Variants in PTBP2 observed in about 807,000 individuals in gnomAD.
PTBP2 encodes polypyrimidine tract binding protein 2, also known as polypyrimidine tract-binding protein 2.
In PTBP2, 13 loss-of-function variants were observed where a neutral mutation model predicts 61.4. That is an observed-to-expected ratio of 0.21 (90% CI 0.14 to 0.34). The LOEUF (loss-of-function observed/expected upper bound fraction) is 0.34. Ranked by LOEUF, PTBP2 falls within the 10% of genes least tolerant of loss-of-function variation. The pLI is 1.00. For missense variants in PTBP2, 405 were observed against 642.6 expected (o/e 0.63, Z 4.00); for synonymous variants, 215 against 218.5 (o/e 0.98, Z 0.14).
In PTBP2 at chr1:96,721,798, C is replaced by A. The variant is rs1295665174; in HGVS notation, c.-67C>A. ...CGTCGGGCCCCAGCCGCCATTTTCT[C>A]GCCGCTTGTGTGGCTCGCTGGCTGC... is the stretch of plus-strand genomic sequence containing the variant. On this transcript the variant is annotated 5_prime_UTR_variant, in exon 1 of 14. Coordinates refer to ENST00000674951, the MANE Select transcript of PTBP2 (RefSeq NM_021190.4). 1.9e-6 allele frequency: 3 copies of A among 1,547,156 alleles called. No individual in the cohort carries two copies. Among genetic ancestry groups the A allele is most frequent in the Non-Finnish European group, 2.6e-6 (3 of 1,144,204 alleles).
chr1:96,749,705 C>T, intron 2 of PTBP2: 1 of 454,720 alleles, frequency 2.2e-6, no homozygotes, highest in South Asian at 1.6e-5. Context: ...CTTACTTAGT[C>T]AATAAATATG....
At chr1:96,776,787 T>G (rs1658091362) in intron 5 of PTBP2, among the ~76,000 whole-genome samples, 1 of 151,250 alleles carries the variant, frequency 6.6e-6, no homozygotes, top group Non-Finnish European at 1.5e-5. Flanking sequence ...TAACATAATA[T>G]TTGATTGACA....
At chr1:96,784,920 T>G (rs1459260311) in intron 7 of PTBP2, 139 bp from the exon 8 acceptor site, 1 of 647,048 alleles carries the variant, frequency 1.5e-6, no homozygotes, top group Non-Finnish European at 2.5e-6. Flanking sequence ...CAGCAAAATT[T>G]GATATATGAA....
intron 8 of PTBP2, among the ~76,000 whole-genome samples, chr1:96,803,925 G>T (rs556920885): frequency 1.4e-4 from 21 of 152,302 alleles, no homozygotes; most frequent in Non-Finnish European, 2.5e-4. Context: ...TAAGCTGGGT[G>T]TGTAAGAATT....
At chr1:96,819,912 G>C (rs1304963239), downstream of PTBP2, 1 of 151,774 alleles carries the variant, frequency 6.6e-6, no homozygotes, top group African/African-American at 2.4e-5. Context: ...TCTAAAATGT[G>C]ATTCTGATTC....
intron 8 of PTBP2, among the ~76,000 whole-genome samples, chr1:96,790,313 A>C (rs2101096889): frequency 6.6e-6 from 1 of 151,352 alleles, no homozygotes; most frequent in South Asian, 2.1e-4. Flanking sequence ...ATTGTGTCTC[A>C]GTAGGAGACA....
At chr1:96,776,269 A>T (rs752040655) in intron 5 of PTBP2, among the ~76,000 whole-genome samples, 51 of 152,042 alleles carry the variant, frequency 3.4e-4, no homozygotes, top group Non-Finnish European at 6.0e-4. Context: ...ATTTAAATAC[A>T]TTTAAACATT....
In PTBP2 at chr1:96,769,918, A is replaced by G. The variant is rs1347200795; in HGVS notation, c.288+43A>G. 5.6e-6 allele frequency: 8 copies of G among 1,422,736 alleles called. No homozygotes were observed. In the African/African-American group the frequency reaches 7.4e-5, roughly 13 times the overall value. 88.1% of individuals were successfully genotyped at this position (1,422,736 alleles called of 1,614,324 possible). On this transcript the variant is annotated intron_variant, in intron 4 of 13. Coordinates refer to ENST00000674951, the MANE Select transcript of PTBP2 (RefSeq NM_021190.4). ...TTTATGAAATGTTAAACCCCAAACT[A>G]TCCAGCAGGTGTGAATTAATTGTAA...
chr1:96,781,678 A>G (rs1658686806), intron 7 of PTBP2, among the ~76,000 whole-genome samples: 1 of 152,004 alleles, frequency 6.6e-6, no homozygotes, highest in South Asian at 2.1e-4. Flanking sequence ...AGTTCTCAGT[A>G]TCACACATAA....
chr1:96,790,016 C>T (rs1159494378), intron 8 of PTBP2, among the ~76,000 whole-genome samples: 1 of 152,104 alleles, frequency 6.6e-6, no homozygotes, highest in Non-Finnish European at 1.5e-5. Flanking sequence ...AGAACAAGGT[C>T]CTATGGAGGG....
At chr1:96,811,309 T>G (rs962373968) in intron 11 of PTBP2, among the ~76,000 whole-genome samples, 1 of 152,224 alleles carries the variant, frequency 6.6e-6, no homozygotes, top group Non-Finnish European at 1.5e-5. Context: ...TGTCAAAATG[T>G]ATACTGTAGT....
intron 3 of PTBP2, among the ~76,000 whole-genome samples, chr1:96,761,373 TG>T: frequency 6.6e-6 from 1 of 151,672 alleles, no homozygotes; most frequent in African/African-American, 2.4e-5. Context: ...TGTGTGTGTG[TG>T]TGTGTGTGTG....
chr1:96,745,795 G>C (rs1009776711), intron 2 of PTBP2, among the ~76,000 whole-genome samples: 18 of 152,158 alleles, frequency 1.2e-4, no homozygotes, highest in African/African-American at 3.9e-4. Flanking sequence ...GGCCGGGCGT[G>C]GTGGCTCAAG....
downstream of PTBP2, chr1:96,819,536 TTA>T (rs374450569): frequency 2.6e-5 from 4 of 152,106 alleles, no homozygotes; most frequent in African/African-American, 9.6e-5. Context: ...ACTAAATGAT[TTA>T]GACTTTTTAT....
At chr1:96,783,576 C>T (rs951038962) in intron 7 of PTBP2, among the ~76,000 whole-genome samples, 1 of 151,988 alleles carries the variant, frequency 6.6e-6, no homozygotes, top group Non-Finnish European at 1.5e-5. Context: ...AAACCCAGCT[C>T]TTTTCTCATA....
At chr1:96,809,095 A>G (rs1254135267) in intron 11 of PTBP2, among the ~76,000 whole-genome samples, 2 of 152,208 alleles carry the variant, frequency 1.3e-5, no homozygotes, top group African/African-American at 2.4e-5. Flanking sequence ...CAGTTTATGT[A>G]TATGTGTGCC....
At chr1:96,785,003 T>C in intron 7 of PTBP2, 56 bp from the exon 8 acceptor site, 2 of 1,301,248 alleles carry the variant, frequency 1.5e-6, no homozygotes, top group Non-Finnish European at 2.1e-6. Context: ...AATTATACTT[T>C]CACTAATTTT....
Position 96,813,415 on chromosome 1 carries a change from G to A in PTBP2, c.*10G>A. On this transcript the variant is annotated 3_prime_UTR_variant, in exon 14 of 14. Coordinates refer to ENST00000674951, the MANE Select transcript of PTBP2 (RefSeq NM_021190.4). ...CAAGTCAACAATTTAAAAATGGGAA[G>A]ATGAAGATTGGGGGTGAATCACATT... The A allele has an allele frequency of 6.3e-7, 1 of 1,577,660 alleles. No homozygotes were observed. Among genetic ancestry groups the A allele is most frequent in the South Asian group, 1.2e-5 (1 of 85,738 alleles).
In PTBP2 at chr1:96,753,075, G is replaced by T. The variant is rs180764095; in HGVS notation, c.115+1575G>T. On this transcript the variant is annotated intron_variant, in intron 3 of 13. Transcript: ENST00000674951. ...CTGGAGAAAAGAGAGCTGTCTAGGG[G>T]TTTAGGAATAGAGCAGGGGGCAGAA... Among the ~76,000 whole-genome samples the T allele has an allele frequency of 2.5e-3, 387 of 152,234 alleles. 2 individuals carry two copies. Among genetic ancestry groups the T allele is most frequent in the African/African-American group, 9.1e-3 (379 of 41,540 alleles).
Sources: gnomAD v4.1 joint callset for allele counts (sites outside exome capture counted in the v4.1 genomes callset) on GRCh38, gnomAD v4.1.1 for gene constraint, MANE v1.5 for transcripts, NCBI Gene and HGNC (gene_info 2026-07-23, HGNC 2026-07-21) for gene names.